Variants in NRG3 observed in about 807,000 individuals in gnomAD.
NRG3 encodes neuregulin 3.
A neutral mutation model predicts 66.9 loss-of-function variants in NRG3; 31 were observed. The observed-to-expected ratio is 0.46, with a 90% CI of 0.35 to 0.63. The LOEUF is 0.63. NRG3 is among the 20% of genes least tolerant of loss of function. The pLI, the probability that NRG3 is intolerant of heterozygous loss-of-function variation, is 0.00. For synonymous variants in NRG3, 393 were observed against 359.4 expected, an observed-to-expected ratio of 1.09 and a Z score of -1.06; for missense variants, 910 against 878.9, an observed-to-expected ratio of 1.04 and a Z score of -0.45.
intron 2 of NRG3, among the ~76,000 whole-genome samples, chr10:82,433,450 G>A (rs2089949317): frequency 6.6e-6 from 1 of 152,136 alleles, no homozygotes; most frequent in South Asian, 2.1e-4. Context: ...CTTTTGCTGT[G>A]CAGAAGCTTT....
rs993827981 is a variant in NRG3, at chr10:82,707,890, C to T, written c.954-30687C>T. Among the ~76,000 whole-genome samples the T allele has an allele frequency of 4.9e-5, 7 of 142,422 alleles. No homozygotes were observed. In the South Asian group the frequency reaches 6.9e-4, roughly 14 times the overall value. 93.4% of individuals were successfully genotyped at this position (142,422 alleles called of 152,430 possible). A position where few individuals can be genotyped will look rare whatever the true frequency, so the allele number is the denominator to read the frequency against. On this transcript the variant is annotated intron_variant, in intron 2 of 8. Transcript: ENST00000372141. Reference sequence around the variant, plus strand: ...AAAAAAAATTAGCCAGGTGTGGTGGCGCATGCCTGTAATCCCAGCTACTCA... The same window carrying T: ...AAAAAAAATTAGCCAGGTGTGGTGGTGCATGCCTGTAATCCCAGCTACTCA...
chr10:82,211,765 A>G (rs2075405452), intron 1 of NRG3, among the ~76,000 whole-genome samples: 1 of 152,144 alleles, frequency 6.6e-6, no homozygotes, highest in Admixed American at 6.5e-5. Flanking sequence ...AGAGCCTTCC[A>G]CATGAGAGGG....
chr10:82,022,635 C>T (rs1451293057), intron 1 of NRG3, among the ~76,000 whole-genome samples: 2 of 151,862 alleles, frequency 1.3e-5, no homozygotes, highest in Non-Finnish European at 2.9e-5. Flanking sequence ...TATTACTTGC[C>T]CTGGCCTTTT....
chr10:82,315,006 G>A (rs187494002), intron 1 of NRG3, among the ~76,000 whole-genome samples: 78 of 152,112 alleles, frequency 5.1e-4, no homozygotes, highest in African/African-American at 1.8e-3. Context: ...GTATATGTGT[G>A]TGTCTATTTA....
At chr10:82,292,852 G>C (rs2134629443) in intron 1 of NRG3, among the ~76,000 whole-genome samples, 1 of 152,272 alleles carries the variant, frequency 6.6e-6, no homozygotes, top group East Asian at 1.9e-4. Flanking sequence ...TTCAGAGTGG[G>C]AGGGAAGTGA....
chr10:82,556,004 A>G (rs571873463), intron 2 of NRG3, among the ~76,000 whole-genome samples: 1 of 152,118 alleles, frequency 6.6e-6, no homozygotes, highest in East Asian at 1.9e-4. Flanking sequence ...AGACCACTGT[A>G]TGAAGCTGCT....
chr10:82,863,559 C>A (rs369315608), intron 3 of NRG3, among the ~76,000 whole-genome samples: 2 of 152,120 alleles, frequency 1.3e-5, no homozygotes, highest in African/African-American at 4.8e-5. Flanking sequence ...TCCTAACTGG[C>A]GTGAGATGGT....
intron 1 of NRG3, among the ~76,000 whole-genome samples, chr10:81,942,159 T>G (rs574241027): frequency 6.6e-6 from 1 of 152,262 alleles, no homozygotes; most frequent in Non-Finnish European, 1.5e-5. Context: ...GAGATTAGTT[T>G]ACAAAGTGAA....
chr10:82,676,514 C>T (rs754120737), intron 2 of NRG3, among the ~76,000 whole-genome samples: 2 of 151,998 alleles, frequency 1.3e-5, no homozygotes, highest in South Asian at 2.1e-4. Flanking sequence ...GATGGAGTCT[C>T]ACTCTGTCAC....
intron 2 of NRG3, among the ~76,000 whole-genome samples, chr10:82,445,432 A>T (rs1206649453): frequency 1.3e-5 from 2 of 152,190 alleles, no homozygotes; most frequent in Admixed American, 6.5e-5. Flanking sequence ...TAACAGCAGG[A>T]TGTTAGCATG....
At chr10:82,513,421 G>A (rs966739765) in intron 2 of NRG3, among the ~76,000 whole-genome samples, 11 of 152,236 alleles carry the variant, frequency 7.2e-5, no homozygotes, top group East Asian at 5.8e-4. Context: ...GAATATATGC[G>A]TGCATGTATC....
intron 4 of NRG3, among the ~76,000 whole-genome samples, chr10:82,885,739 C>T (rs1842666653): frequency 6.6e-6 from 1 of 152,070 alleles, no homozygotes; most frequent in Non-Finnish European, 1.5e-5. Context: ...GAAATGAATC[C>T]CCTTTTGAGA....
chr10:82,908,019 C>G (rs184551597), intron 4 of NRG3, among the ~76,000 whole-genome samples: 16 of 152,310 alleles, frequency 1.1e-4, no homozygotes, highest in African/African-American at 3.4e-4. Flanking sequence ...TTTATGAAGA[C>G]ATTATGGATA....
intron 3 of NRG3, among the ~76,000 whole-genome samples, chr10:82,848,368 C>G (rs1230476765): frequency 6.6e-6 from 1 of 152,188 alleles, no homozygotes; most frequent in East Asian, 1.9e-4. Flanking sequence ...TGCTGGATTT[C>G]AGACTTGCAT....
chr10:82,406,270 A>G (rs958957958), intron 2 of NRG3, among the ~76,000 whole-genome samples: 3 of 152,224 alleles, frequency 2.0e-5, no homozygotes, highest in African/African-American at 7.2e-5. Context: ...CGTGGGACAT[A>G]ACTAAATTCT....
intron 2 of NRG3, among the ~76,000 whole-genome samples, chr10:82,569,856 G>A (rs1009023945): frequency 6.6e-6 from 1 of 151,564 alleles, no homozygotes. Context: ...TCTCTACTTG[G>A]ATATACTAAC....
At chr10:82,057,833 C>G (rs1373772749) in intron 1 of NRG3, among the ~76,000 whole-genome samples, 1 of 152,188 alleles carries the variant, frequency 6.6e-6, no homozygotes, top group Non-Finnish European at 1.5e-5. Context: ...AGTCTTCAAT[C>G]TGGCCTTCTA....
intron 2 of NRG3, among the ~76,000 whole-genome samples, chr10:82,459,486 T>C (rs2091419091): frequency 6.6e-6 from 1 of 152,200 alleles, no homozygotes; most frequent in Non-Finnish European, 1.5e-5. Context: ...GAGGATGCAA[T>C]AGTGAGCACA....
intron 1 of NRG3, chr10:81,889,650 A>G (rs766153630): frequency 1.1e-4 from 17 of 152,094 alleles, no homozygotes; most frequent in Non-Finnish European, 1.5e-4. Flanking sequence ...TCTCTCTTCT[A>G]TTTTTCACTG....
Sources: allele counts gnomAD v4.1 joint callset (sites outside exome capture counted in the v4.1 genomes callset), GRCh38; gene constraint gnomAD v4.1.1; transcripts MANE v1.5; gene names NCBI Gene and HGNC (gene_info 2026-07-23, HGNC 2026-07-21).